AGFG1: variants seen among roughly 807,000 people sequenced by gnomAD.
The protein encoded by AGFG1 is ArfGAP with FG repeats 1.
Under a neutral mutation model 60.6 loss-of-function variants are expected in AGFG1, and 10 were observed. That is an observed-to-expected ratio of 0.16 (90% CI 0.10 to 0.28). AGFG1 has a LOEUF of 0.28. Ranked by LOEUF, AGFG1 falls within the 10% of genes least tolerant of loss-of-function variation. The pLI, the probability that AGFG1 is intolerant of heterozygous loss-of-function variation, is 1.00. For missense variants in AGFG1, 537 were observed against 676.5 expected (o/e 0.79, Z 2.29); for synonymous variants, 247 against 242.9 (o/e 1.02, Z -0.16).
At chr2:227,524,044 T>C in intron 4 of AGFG1, 119 bp downstream of exon 4, 1 of 1,006,384 alleles carries the variant, frequency 9.9e-7, no homozygotes, top group East Asian at 2.5e-5. Context: ...TATGTTCCAA[T>C]GGTTTGTTAT....
rs1693011998 is a variant in AGFG1 at position 227,557,577 on chromosome 2, A to ATT, written c.*3083_*3084insTT. On this transcript the variant is annotated 3_prime_UTR_variant, in exon 13 of 13. Coordinates refer to ENST00000310078, the MANE Select transcript of AGFG1 (RefSeq NM_004504.5). Reference sequence around the variant, plus strand: ...TTATTGTATTAAAATTAATACTGAGATATTTTTAAAACATGTTTATTTATT... The same window carrying ATT: ...TTATTGTATTAAAATTAATACTGAGATTTATTTTTAAAACATGTTTATTTATT... The ATT allele has an allele frequency of 8.2e-6, 1 of 121,756 alleles. No homozygotes were observed. The highest frequency in any genetic ancestry group is 9.2e-5 in the Admixed American group (1 of 10,888). The allele number at this position is 121,756 out of a possible 1,614,324, so 7.5% of individuals were successfully genotyped here.
intron 11 of AGFG1, 151 bp downstream of exon 11, chr2:227,552,268 G>T: frequency 1.9e-6 from 2 of 1,028,742 alleles, no homozygotes; most frequent in Non-Finnish European, 1.3e-6. Context: ...TTGGTGATTT[G>T]GACCTCAGAA....
At chr2:227,483,453 T>C (rs2106158850) in intron 1 of AGFG1, among the ~76,000 whole-genome samples, 1 of 152,338 alleles carries the variant, frequency 6.6e-6, no homozygotes, top group South Asian at 2.1e-4. Context: ...AATTAGAACA[T>C]GCAAGTTTTC....
intron 10 of AGFG1, among the ~76,000 whole-genome samples, chr2:227,540,097 A>G (rs1047023732): frequency 9.9e-5 from 15 of 152,070 alleles, no homozygotes; most frequent in African/African-American, 3.6e-4. Context: ...CGGCCTCCCA[A>G]AGTGCTGGGA....
intron 11 of AGFG1, among the ~76,000 whole-genome samples, chr2:227,553,324 C>T (rs1464052886): frequency 6.6e-6 from 1 of 151,830 alleles, no homozygotes; most frequent in African/African-American, 2.4e-5. Flanking sequence ...GTAGTGAAAC[C>T]CTGTCTACAA....
chr2:227,547,720 G>A (rs1692694959), intron 10 of AGFG1, among the ~76,000 whole-genome samples: 1 of 152,156 alleles, frequency 6.6e-6, no homozygotes. Flanking sequence ...AGAGAAAATA[G>A]AAACCTCGTA....
intron 3 of AGFG1, among the ~76,000 whole-genome samples, chr2:227,521,550 G>A (rs1236736401): frequency 1.3e-5 from 2 of 152,142 alleles, no homozygotes; most frequent in Non-Finnish European, 2.9e-5. Flanking sequence ...TAAAATGAAA[G>A]GTATAATTAT....
At chr2:227,490,220 A>G (rs999677057) in intron 1 of AGFG1, among the ~76,000 whole-genome samples, 4 of 152,164 alleles carry the variant, frequency 2.6e-5, no homozygotes, top group African/African-American at 4.8e-5. Context: ...ATTTTATATC[A>G]TTGTTAAATA....
chr2:227,552,563 TAGAA>T (rs1433667226), intron 11 of AGFG1, among the ~76,000 whole-genome samples: 1 of 152,190 alleles, frequency 6.6e-6, no homozygotes, highest in Non-Finnish European at 1.5e-5. Context: ...TATTTGATTT[TAGAA>T]AGAGACAAGA....
At chr2:227,553,407 G>A (rs1692879937) in intron 11 of AGFG1, among the ~76,000 whole-genome samples, 2 of 150,496 alleles carry the variant, frequency 1.3e-5, no homozygotes, top group Admixed American at 6.7e-5. Flanking sequence ...GAGGTGGAAG[G>A]ATCACCTGAG....
chr2:227,486,827 G>C (rs1690654786), intron 1 of AGFG1, among the ~76,000 whole-genome samples: 1 of 152,160 alleles, frequency 6.6e-6, no homozygotes, highest in Non-Finnish European at 1.5e-5. Context: ...CCCTGTGGGG[G>C]ATATTTGGCA....
chr2:227,504,979 C>T (rs759770286), intron 2 of AGFG1, among the ~76,000 whole-genome samples: 1 of 152,048 alleles, frequency 6.6e-6, no homozygotes, highest in Non-Finnish European at 1.5e-5. Context: ...TGTGGATCCA[C>T]GTTACTGATT....
chr2:227,495,981 G>A (rs889688431), intron 2 of AGFG1, among the ~76,000 whole-genome samples: 2 of 151,456 alleles, frequency 1.3e-5, no homozygotes, highest in Non-Finnish European at 2.9e-5. Context: ...AGCCAGGCAT[G>A]GTGGTGTGTG....
In AGFG1 at chr2:227,502,025, A is replaced by G. The variant is rs79345314; in HGVS notation, c.261+10385A>G. 7.3e-3 allele frequency among the ~76,000 whole-genome samples: 1,106 copies of G among 151,262 alleles called. 21 individuals carry two copies. The highest frequency in any genetic ancestry group is 0.026 in the African/African-American group (1,058 of 41,198). On this transcript the variant is annotated intron_variant, in intron 2 of 12. Coordinates refer to ENST00000310078, the MANE Select transcript of AGFG1 (RefSeq NM_004504.5). ...AGGTGCGTGCCACCATGCCTGGCTA[A>G]TACTGTTTATTTTTGTAGAGACGAG...
At chr2:227,503,237 A>AT (rs1691212881) in intron 2 of AGFG1, among the ~76,000 whole-genome samples, 1 of 147,586 alleles carries the variant, frequency 6.8e-6, no homozygotes, top group South Asian at 2.2e-4. Flanking sequence ...AGTTGTCTCA[A>AT]TTAAAAAAAA....
At chr2:227,478,300 T>C (rs1351156963) in intron 1 of AGFG1, among the ~76,000 whole-genome samples, 2 of 150,762 alleles carry the variant, frequency 1.3e-5, no homozygotes, top group African/African-American at 2.4e-5. Flanking sequence ...TATATACATA[T>C]ATAATATATA....
Position 227,553,780 on chromosome 2 carries a change from T to C in AGFG1, c.1614T>C (p.Ser538=). Residue 538 remains serine (S), a synonymous_variant, in exon 12 of 13, where the codon TCT becomes TCC. Transcript: ENST00000310078. ...PFGQVAAAGV[S]SNPFMTGAPT... ...GTCAAGTTGCAGCTGCTGGAGTATC[T>C]AGTAATCCTTTTATGGTAAGCAAAA... is the stretch of plus-strand genomic sequence containing the variant. 6.2e-7 allele frequency: 1 copy of C among 1,613,128 alleles called. No homozygotes were observed.
At chr2:227,544,077 G>A (rs1162607698) in intron 10 of AGFG1, among the ~76,000 whole-genome samples, 4 of 150,896 alleles carry the variant, frequency 2.7e-5, no homozygotes, top group Admixed American at 1.3e-4. Flanking sequence ...GTCTCTGCAC[G>A]TGAGATGGGT....
At position 227,554,624 on chromosome 2, in the gene AGFG1, T is replaced by C; in HGVS notation, c.*129T>C. 1 of 759,532 alleles carries C rather than the reference T, an allele frequency of 1.3e-6. No individual in the cohort carries two copies. Among genetic ancestry groups the C allele is most frequent in the South Asian group, 2.2e-5 (1 of 44,842 alleles). 47.0% of individuals were successfully genotyped at this position (759,532 alleles called of 1,614,324 possible). Reference sequence around the variant, plus strand: ...AGAGAAGTCTTTAAAAAGCCTGCATTGTGTATTAAACACCAGGTAATATGT... The same window carrying C: ...AGAGAAGTCTTTAAAAAGCCTGCATCGTGTATTAAACACCAGGTAATATGT... On this transcript the variant is annotated 3_prime_UTR_variant, in exon 13 of 13. Transcript: ENST00000310078.
Sources: gnomAD v4.1 joint callset for allele counts (sites outside exome capture counted in the v4.1 genomes callset) on GRCh38, gnomAD v4.1.1 for gene constraint, MANE v1.5 for transcripts, NCBI Gene and HGNC (gene_info 2026-07-23, HGNC 2026-07-21) for gene names.